Variants in TENM4 observed in about 807,000 individuals in gnomAD.
TENM4 encodes the protein teneurin-4.
Under a neutral mutation model 243.3 loss-of-function variants are expected in TENM4, and 82 were observed. The observed-to-expected ratio is 0.34, with a 90% confidence interval of 0.28 to 0.40. TENM4 has a LOEUF of 0.40. TENM4 is among the 10% of genes least tolerant of loss of function. The pLI is 1.00. For missense variants in TENM4, 3,138 were observed against 3,673.3 expected (o/e 0.85, Z 3.77); for synonymous variants, 1,412 against 1,456.3 (o/e 0.97, Z 0.69).
At chr11:78,814,635 A>G (rs1179801693) in intron 12 of TENM4, among the ~76,000 whole-genome samples, 1 of 152,236 alleles carries the variant, frequency 6.6e-6, no homozygotes, top group African/African-American at 2.4e-5. Context: ...TTATAAATCA[A>G]ATTTGTATCT....
At chr11:78,851,391 G>T (rs993474717) in intron 12 of TENM4, among the ~76,000 whole-genome samples, 2 of 152,196 alleles carry the variant, frequency 1.3e-5, no homozygotes, top group African/African-American at 4.8e-5. Flanking sequence ...ATTATGAGAA[G>T]ACAGGTTAGC....
At chr11:79,091,379 G>A (rs1860945567) in intron 4 of TENM4, among the ~76,000 whole-genome samples, 1 of 152,008 alleles carries the variant, frequency 6.6e-6, no homozygotes, top group Non-Finnish European at 1.5e-5. Context: ...TATCTGTTAT[G>A]AGCCAGACAC....
chr11:79,361,557 C>A (rs528922187), intron 1 of TENM4, among the ~76,000 whole-genome samples: 1 of 152,280 alleles, frequency 6.6e-6, no homozygotes, highest in Non-Finnish European at 1.5e-5. Context: ...CTTCTTGAGT[C>A]CCTGTCCTTA....
chr11:78,972,146 T>A (rs973957848), intron 6 of TENM4, among the ~76,000 whole-genome samples: 1 of 152,232 alleles, frequency 6.6e-6, no homozygotes, highest in Non-Finnish European at 1.5e-5. Flanking sequence ...ATGTTATTTT[T>A]AACAGAATTA....
intron 28 of TENM4, among the ~76,000 whole-genome samples, chr11:78,696,035 A>C (rs56191605): frequency 0.15 from 22,969 of 151,400 alleles, 1,942 homozygotes; most frequent in Admixed American, 0.2. Context: ...AGACTATTGG[A>C]TGTTGTCCCA....
At chr11:79,320,944 T>G (rs927504686) in intron 1 of TENM4, among the ~76,000 whole-genome samples, 1 of 152,210 alleles carries the variant, frequency 6.6e-6, no homozygotes, top group Non-Finnish European at 1.5e-5. Flanking sequence ...TCTCTTAGCA[T>G]CCTCTTCTCA....
intron 9 of TENM4, among the ~76,000 whole-genome samples, chr11:78,882,984 G>A (rs1267271627): frequency 4.6e-5 from 7 of 152,128 alleles, no homozygotes; most frequent in Non-Finnish European, 8.8e-5. Context: ...TTCCACTGTG[G>A]TTACCCAGAA....
chr11:79,135,214 T>C (rs1474565490), intron 4 of TENM4, among the ~76,000 whole-genome samples: 2 of 151,912 alleles, frequency 1.3e-5, no homozygotes, highest in East Asian at 3.9e-4. Context: ...CAAAAGAAGA[T>C]ATATGAAGGG....
intron 17 of TENM4, among the ~76,000 whole-genome samples, chr11:78,776,336 C>G (rs1005590688): frequency 6.6e-6 from 1 of 152,178 alleles, no homozygotes; most frequent in Non-Finnish European, 1.5e-5. Context: ...GTGGTAGCCT[C>G]TGGACTCCCC....
chr11:78,883,510 T>C (rs1220388927), intron 9 of TENM4, among the ~76,000 whole-genome samples: 3 of 152,310 alleles, frequency 2.0e-5, no homozygotes, highest in South Asian at 4.1e-4. Flanking sequence ...GACCTGATGA[T>C]ACAGCAATCA....
At chr11:79,265,891 T>A (rs1855876373) in intron 2 of TENM4, among the ~76,000 whole-genome samples, 1 of 152,212 alleles carries the variant, frequency 6.6e-6, no homozygotes, top group African/African-American at 2.4e-5. Context: ...GGCAACTGTC[T>A]CAGCTCCCTC....
intron 4 of TENM4, among the ~76,000 whole-genome samples, chr11:79,135,091 T>C (rs1427061033): frequency 6.6e-6 from 1 of 152,072 alleles, no homozygotes; most frequent in Non-Finnish European, 1.5e-5. Context: ...TCACCATCTG[T>C]ACACCTGACA....
intron 6 of TENM4, among the ~76,000 whole-genome samples, chr11:78,934,842 A>G (rs1856747645): frequency 6.6e-6 from 1 of 151,842 alleles, no homozygotes. Flanking sequence ...GGAAGAAACT[A>G]GACATACTAT....
intron 17 of TENM4, among the ~76,000 whole-genome samples, chr11:78,778,096 C>T (rs988562711): frequency 2.0e-5 from 3 of 152,160 alleles, no homozygotes; most frequent in Non-Finnish European, 4.4e-5. Context: ...CAGACCCTGG[C>T]GCAGGTGCCT....
chr11:78,735,762 AG>A (rs1855771897), intron 20 of TENM4, among the ~76,000 whole-genome samples: 9 of 152,186 alleles, frequency 5.9e-5, no homozygotes, highest in Admixed American at 5.9e-4. Flanking sequence ...ATCATTTGGC[AG>A]GGTTATTGAT....
chr11:79,439,965 C>G (rs907015377), intron 1 of TENM4, among the ~76,000 whole-genome samples: 1 of 151,970 alleles, frequency 6.6e-6, no homozygotes, highest in Non-Finnish European at 1.5e-5. Flanking sequence ...TTGCAGAGGG[C>G]GAGGAGCTGG....
chr11:79,424,208 C>T (rs778622580), intron 1 of TENM4, among the ~76,000 whole-genome samples: 6 of 152,084 alleles, frequency 3.9e-5, no homozygotes, highest in Non-Finnish European at 2.9e-5. Context: ...TCACAATTGG[C>T]GGGGAAGGCA....
At chr11:78,828,343 A>G (rs1219213952) in intron 12 of TENM4, among the ~76,000 whole-genome samples, 2 of 152,208 alleles carry the variant, frequency 1.3e-5, no homozygotes, top group East Asian at 3.8e-4. Context: ...GGGGGCATGT[A>G]GTAATATCAC....
chr11:79,235,409 T>G (rs1864446646), intron 2 of TENM4, among the ~76,000 whole-genome samples: 1 of 152,172 alleles, frequency 6.6e-6, no homozygotes, highest in Non-Finnish European at 1.5e-5. Flanking sequence ...GATGCAGGGT[T>G]GAGACCTGGG....
Sources: allele counts gnomAD v4.1 joint callset (sites outside exome capture counted in the v4.1 genomes callset), GRCh38; gene constraint gnomAD v4.1.1; transcripts MANE v1.5; gene names NCBI Gene and HGNC (gene_info 2026-07-23, HGNC 2026-07-21).